ST3GAL4: variants seen among roughly 807,000 people sequenced by gnomAD.
The protein encoded by ST3GAL4 is CMP-N-acetylneuraminate-beta-galactosamide-alpha-2,3-sialyltransferase 4.
Under a neutral mutation model 42.6 loss-of-function variants are expected in ST3GAL4, and 24 were observed. The ratio of observed to expected loss-of-function variants is 0.56; its 90% CI spans 0.41 to 0.79. The LOEUF (loss-of-function observed/expected upper bound fraction) is 0.79. ST3GAL4 is among the 30% of genes least tolerant of loss of function. The pLI, the probability that ST3GAL4 is intolerant of heterozygous loss-of-function variation, is 0.00. For synonymous variants in ST3GAL4, 135 were observed against 163.2 expected (o/e 0.83, Z 1.32); for missense variants, 311 against 430.8 (o/e 0.72, Z 2.46).
Position 126,393,176 on chromosome 11 carries a change from G to A in ST3GAL4, c.-60-12920G>A, listed in dbSNP as rs896271033. 2.0e-5 allele frequency: 3 copies of A among 152,146 alleles called. No homozygotes were observed. The highest frequency in any genetic ancestry group is 7.2e-5 in the African/African-American group (3 of 41,440). 9.4% of individuals were successfully genotyped at this position (152,146 alleles called of 1,614,324 possible). A position where few individuals can be genotyped will look rare whatever the true frequency, so the allele number is the denominator to read the frequency against. ...CATGCCTTGCAAGTAGCAGAGACAG[G>A]GTTTAGTCTCGGTAGCCAGTGCCTA... On this transcript the variant is annotated intron_variant, in intron 1 of 10. Transcript: ENST00000444328. This position sits in a 1 kb window ranked among gnomAD's most constrained non-coding sequence, Gnocchi z 5.9.
At chr11:126,381,224 C>T (rs552962663) in intron 1 of ST3GAL4, among the ~76,000 whole-genome samples, 6 of 152,172 alleles carry the variant, frequency 3.9e-5, no homozygotes, top group African/African-American at 1.2e-4. Flanking sequence ...CCCTGGCCAC[C>T]CATTCAGCTG....
At chr11:126,385,687 GAGCTGC>G (rs1223161169) in intron 1 of ST3GAL4, among the ~76,000 whole-genome samples, 4 of 152,076 alleles carry the variant, frequency 2.6e-5, no homozygotes, top group African/African-American at 4.8e-5. Flanking sequence ...ATTATGCCAG[GAGCTGC>G]AGCACAGCCC....
intron 1 of ST3GAL4, among the ~76,000 whole-genome samples, chr11:126,404,819 G>T (rs1591485636): frequency 6.6e-6 from 1 of 152,240 alleles, no homozygotes; most frequent in Admixed American, 6.5e-5. Flanking sequence ...TTCAGTGTTT[G>T]TGGGTTCAGA....
intron 1 of ST3GAL4, among the ~76,000 whole-genome samples, chr11:126,375,287 CTG>C (rs1333339711): frequency 2.6e-5 from 4 of 152,244 alleles, no homozygotes; most frequent in South Asian, 2.1e-4. Context: ...GGGCTAGAGA[CTG>C]TGTCTCGTGC....
At position 126,406,589 on chromosome 11, in the gene ST3GAL4, TC is replaced by T; in HGVS notation, c.101+33del. 6.2e-7 allele frequency: 1 copy of T among 1,613,990 alleles called. No homozygotes were observed. Among genetic ancestry groups the T allele is most frequent in the East Asian group, 2.2e-5 (1 of 44,880 alleles). ...TCACCTTCCATGTCCTTCCAGTGGC[TC>T]TTGTCAGGGACAGGGCTTAGGGATG... On this transcript the variant is annotated intron_variant, in intron 3 of 10. Coordinates refer to ENST00000444328, the MANE Select transcript of ST3GAL4 (RefSeq NM_001254757.2). The surrounding 1 kb of genome is among the most constrained non-coding windows in gnomAD (Gnocchi z 5.4).
intron 1 of ST3GAL4, among the ~76,000 whole-genome samples, chr11:126,357,611 G>T (rs1359713173): frequency 6.6e-6 from 1 of 152,124 alleles, no homozygotes; most frequent in Non-Finnish European, 1.5e-5. Flanking sequence ...CCTAGAATCC[G>T]GTTTTCTGGA....
In ST3GAL4 at chr11:126,408,199, G is replaced by A; in HGVS notation, c.437+5G>A. On this transcript the variant is annotated splice_donor_5th_base_variant and intron_variant, in intron 7 of 10. Transcript: ENST00000444328. ...CAAGTACGATGTGGTCATCAGGTGT[G>A]TGTGACTGTCTCTTCCTACTGTTGT... The A allele has an allele frequency of 1.2e-6, 2 of 1,614,132 alleles. No homozygotes were observed. The highest frequency in any genetic ancestry group is 1.1e-5 in the South Asian group (1 of 91,084).
At chr11:126,367,043 G>C (rs1952455828) in intron 1 of ST3GAL4, among the ~76,000 whole-genome samples, 2 of 152,092 alleles carry the variant, frequency 1.3e-5, no homozygotes, top group Admixed American at 6.5e-5. Flanking sequence ...TCAGGTGTGG[G>C]GGGCCTGCCT....
intron 1 of ST3GAL4, among the ~76,000 whole-genome samples, chr11:126,370,911 A>G (rs1235658272): frequency 2.0e-5 from 3 of 151,838 alleles, no homozygotes; most frequent in Admixed American, 6.6e-5. Context: ...CAATCAATCT[A>G]CCTGCCTTGG....
chr11:126,367,083 C>G (rs577363698), intron 1 of ST3GAL4, among the ~76,000 whole-genome samples: 1 of 152,122 alleles, frequency 6.6e-6, no homozygotes. Flanking sequence ...AGATGGAGCA[C>G]CGCTCATGAC....
In ST3GAL4 at chr11:126,396,196, G is replaced by A. The variant is rs1270150242; in HGVS notation, c.-60-9900G>A. Among the ~76,000 whole-genome samples, 2 of 151,974 alleles carry A rather than the reference G, an allele frequency of 1.3e-5. No individual in the cohort carries two copies. Among genetic ancestry groups the A allele is most frequent in the South Asian group, 2.1e-4 (1 of 4,812 alleles). Reference sequence around the variant, plus strand: ...GTCCAGCTTGAGTCCCCTCTAGAACGTGGGCAGCGGACACTAAGCCGAGAG... The same window carrying A: ...GTCCAGCTTGAGTCCCCTCTAGAACATGGGCAGCGGACACTAAGCCGAGAG... On this transcript the variant is annotated intron_variant, in intron 1 of 10. Transcript: ENST00000444328. The surrounding 1 kb of genome is among the most constrained non-coding windows in gnomAD (Gnocchi z 5.8).
In ST3GAL4 at chr11:126,411,099, C is replaced by G. The variant is rs1208690387; in HGVS notation, c.771+1688C>G. On this transcript the variant is annotated intron_variant, in intron 9 of 10. Transcript: ENST00000444328. This position sits in a 1 kb window ranked among gnomAD's most constrained non-coding sequence, Gnocchi z 6.3. ...AGAGAGGGCGAGGACCTGAACCCAG[C>G]TCCTGGCAGTGGGAAGGGAAAAGGA... 6.6e-6 allele frequency among the ~76,000 whole-genome samples: 1 copy of G among 151,482 alleles called. No individual in the cohort carries two copies. The highest frequency in any genetic ancestry group is 1.9e-4 in the East Asian group (1 of 5,176).
At chr11:126,369,975 C>A (rs772592763) in intron 1 of ST3GAL4, among the ~76,000 whole-genome samples, 5 of 152,228 alleles carry the variant, frequency 3.3e-5, no homozygotes, top group Admixed American at 6.5e-5. Flanking sequence ...CATCAGCATG[C>A]ATCGATTTGC....
chr11:126,403,699 G>T (rs768069714), intron 1 of ST3GAL4, among the ~76,000 whole-genome samples: 4 of 152,184 alleles, frequency 2.6e-5, no homozygotes, highest in African/African-American at 4.8e-5. Context: ...GAGCAGGGAG[G>T]GTGAGAGAGG....
intron 1 of ST3GAL4, among the ~76,000 whole-genome samples, chr11:126,357,197 C>T (rs1591402842): frequency 6.6e-6 from 1 of 152,294 alleles, no homozygotes; most frequent in East Asian, 1.9e-4. Context: ...TGCCCTGCTC[C>T]TGGCCCACTC....
Position 126,373,087 on chromosome 11 carries a change from T to C in ST3GAL4, c.-61+17245T>C, listed in dbSNP as rs1290495035. On this transcript the variant is annotated intron_variant, in intron 1 of 10. Transcript: ENST00000444328. This position sits in a 1 kb window ranked among gnomAD's most constrained non-coding sequence, Gnocchi z 5.5. The stretch of plus-strand genomic sequence containing the variant: ...CACTGTACCTGACTTGTTTAAAGCC[T>C]GATGTCTTGAGTACTGTGCACCCCT... Among the ~76,000 whole-genome samples, 1 of 152,250 alleles carries C rather than the reference T, an allele frequency of 6.6e-6. No homozygotes were observed. The highest frequency in any genetic ancestry group is 1.5e-5 in the Non-Finnish European group (1 of 68,046).
rs1280714405 is a variant in ST3GAL4 at position 126,393,025 on chromosome 11, C to T, written c.-60-13071C>T. 1.6e-4 allele frequency among the ~76,000 whole-genome samples: 24 copies of T among 149,844 alleles called. 1 individual carries two copies. The highest frequency in any genetic ancestry group is 5.4e-4 in the African/African-American group (22 of 40,480). On this transcript the variant is annotated intron_variant, in intron 1 of 10. Transcript: ENST00000444328. The surrounding 1 kb of genome is among the most constrained non-coding windows in gnomAD (Gnocchi z 5.9). ...GGACGATCATAGCTTACTGCAGCCT[C>T]GATCTCCTGGACTCAGGGGGTCCTC...
At chr11:126,380,563 T>C (rs751272019) in intron 1 of ST3GAL4, among the ~76,000 whole-genome samples, 4 of 152,196 alleles carry the variant, frequency 2.6e-5, no homozygotes, top group Non-Finnish European at 5.9e-5. Flanking sequence ...TTCAGTTGAC[T>C]CTGTTAATTT....
In ST3GAL4 at chr11:126,373,646, A is replaced by T. The variant is rs536747546; in HGVS notation, c.-61+17804A>T. Among the ~76,000 whole-genome samples, 1 of 152,142 alleles carries T rather than the reference A, an allele frequency of 6.6e-6. No homozygotes were observed. The highest frequency in any genetic ancestry group is 6.5e-5 in the Admixed American group (1 of 15,282). ...CGTGGTGGGTAGCCTGTGGAGCCTG[A>T]GGGTGGGAACAGAGAGACTTCTTTT... On this transcript the variant is annotated intron_variant, in intron 1 of 10. Transcript: ENST00000444328. This position sits in a 1 kb window ranked among gnomAD's most constrained non-coding sequence, Gnocchi z 5.5.
Sources: gnomAD v4.1 joint callset for allele counts (sites outside exome capture counted in the v4.1 genomes callset) on GRCh38, gnomAD v4.1.1 for gene constraint, Gnocchi (gnomAD v3.1) non-coding constraint, MANE v1.5 for transcripts, NCBI Gene and HGNC (gene_info 2026-07-23, HGNC 2026-07-21) for gene names.